Variants in PTPRD observed in about 807,000 individuals in gnomAD.
PTPRD encodes receptor-type tyrosine-protein phosphatase delta.
A neutral mutation model predicts 214.5 loss-of-function variants in PTPRD; 34 were observed. That is an observed-to-expected ratio of 0.16 (90% CI 0.12 to 0.21). The LOEUF (loss-of-function observed/expected upper bound fraction) is 0.21, where lower values mean the gene tolerates loss of function less well. Among genes scored for constraint, PTPRD ranks in the 10% least tolerant of loss-of-function variants. PTPRD has a pLI of 1.00. For missense variants in PTPRD, 2,545 were observed against 2,398.7 expected, an observed-to-expected ratio of 1.06 and a Z score of -1.27; for synonymous variants, 1,128 against 845.7, an observed-to-expected ratio of 1.33 and a Z score of -5.79.
At chr9:10,156,203 T>C (rs1188233924) in intron 3 of PTPRD, among the ~76,000 whole-genome samples, 1 of 151,900 alleles carries the variant, frequency 6.6e-6, no homozygotes, top group Non-Finnish European at 1.5e-5. Flanking sequence ...CTCTTGGTTC[T>C]CTAGCTCTTT....
intron 34 of PTPRD, among the ~76,000 whole-genome samples, chr9:8,446,371 CTTTT>C (rs950542163): frequency 6.6e-6 from 1 of 152,158 alleles, no homozygotes; most frequent in Non-Finnish European, 1.5e-5. Flanking sequence ...CACAAGATGA[CTTTT>C]TTGAGAAAGT....
intron 2 of PTPRD, among the ~76,000 whole-genome samples, chr9:10,605,857 G>T (rs1450865493): frequency 2.0e-5 from 3 of 151,484 alleles, no homozygotes; most frequent in African/African-American, 7.3e-5. Context: ...TACATATTTG[G>T]GACTAGATAA....
chr9:10,409,930 G>C (rs1297117864), intron 2 of PTPRD, among the ~76,000 whole-genome samples: 1 of 151,578 alleles, frequency 6.6e-6, no homozygotes, highest in East Asian at 2.0e-4. Flanking sequence ...CTGACATCTT[G>C]ACTACAACCT....
At chr9:9,960,486 T>G (rs183295006) in intron 4 of PTPRD, among the ~76,000 whole-genome samples, 1 of 152,088 alleles carries the variant, frequency 6.6e-6, no homozygotes. Flanking sequence ...GAGACTAACT[T>G]AGCAGTGGAG....
chr9:10,194,296 G>C (rs760785662), intron 3 of PTPRD, among the ~76,000 whole-genome samples: 10 of 141,944 alleles, frequency 7.0e-5, no homozygotes, highest in Non-Finnish European at 1.2e-4. Flanking sequence ...ACTACCATTT[G>C]CTGAGCATCA....
intron 8 of PTPRD, among the ~76,000 whole-genome samples, chr9:9,514,723 T>G (rs1366781230): frequency 6.6e-6 from 1 of 152,098 alleles, no homozygotes; most frequent in Non-Finnish European, 1.5e-5. Flanking sequence ...AGTGCCTTAC[T>G]GGTAAGTTTC....
chr9:9,986,606 T>C (rs147002410), intron 4 of PTPRD, among the ~76,000 whole-genome samples: 45 of 152,268 alleles, frequency 3.0e-4, no homozygotes, highest in African/African-American at 9.1e-4. Flanking sequence ...AATATGTGCA[T>C]ATATTACCTA....
At chr9:8,687,356 T>C (rs2097702004) in intron 12 of PTPRD, among the ~76,000 whole-genome samples, 1 of 152,232 alleles carries the variant, frequency 6.6e-6, no homozygotes, top group South Asian at 2.1e-4. Context: ...AAAACTCTTC[T>C]AACAGATTCA....
In PTPRD at chr9:9,855,766, G is replaced by A. The variant is rs182971566; in HGVS notation, c.-368+82741C>T. Among the ~76,000 whole-genome samples the A allele has an allele frequency of 7.9e-5, 12 of 152,292 alleles. No individual in the cohort carries two copies. In the East Asian group the frequency reaches 1.2e-3, roughly 15 times the overall value. ...GAGCTGGGAGGAGCAAACTTTGTGC[G>A]GGCCCCATGGCAAGTCCAGGAGGGA... On this transcript the variant is annotated intron_variant, in intron 5 of 45. Coordinates refer to ENST00000381196, the MANE Select transcript of PTPRD (RefSeq NM_002839.4).
intron 9 of PTPRD, among the ~76,000 whole-genome samples, chr9:9,234,185 C>T (rs2099965022): frequency 6.6e-6 from 1 of 152,202 alleles, no homozygotes; most frequent in African/African-American, 2.4e-5. Context: ...TTCTTAACTT[C>T]TGTGCACCTG....
intron 19 of PTPRD, among the ~76,000 whole-genome samples, chr9:8,522,424 G>A (rs1051436229): frequency 6.6e-6 from 1 of 152,170 alleles, no homozygotes; most frequent in African/African-American, 2.4e-5. Context: ...TAAAGGTAAG[G>A]ATTGCAAATT....
chr9:9,388,028 T>C (rs2064476351), intron 9 of PTPRD, among the ~76,000 whole-genome samples: 1 of 152,090 alleles, frequency 6.6e-6, no homozygotes. Context: ...TTTCTTGCCT[T>C]GCTGTACTGG....
chr9:8,473,288 G>A (rs1480829748), intron 30 of PTPRD, among the ~76,000 whole-genome samples: 2 of 152,110 alleles, frequency 1.3e-5, no homozygotes, highest in African/African-American at 2.4e-5. Context: ...AGGAGGATGA[G>A]GAGAAGGCAG....
At chr9:8,662,651 T>C (rs2097087060) in intron 12 of PTPRD, among the ~76,000 whole-genome samples, 1 of 152,146 alleles carries the variant, frequency 6.6e-6, no homozygotes, top group Admixed American at 6.5e-5. Flanking sequence ...GACTCACCAA[T>C]TCACCATAGG....
At chr9:10,462,072 A>T (rs990436172) in intron 2 of PTPRD, among the ~76,000 whole-genome samples, 1 of 152,166 alleles carries the variant, frequency 6.6e-6, no homozygotes, top group Non-Finnish European at 1.5e-5. Context: ...GGATTAACAC[A>T]TTGAGAGATT....
At chr9:9,805,837 GA>G (rs1396800969) in intron 5 of PTPRD, among the ~76,000 whole-genome samples, 3 of 152,104 alleles carry the variant, frequency 2.0e-5, no homozygotes, top group African/African-American at 7.2e-5. Flanking sequence ...TATTGAGTGA[GA>G]AATAGAGCTT....
chr9:8,967,024 G>T (rs1371440812), intron 11 of PTPRD, among the ~76,000 whole-genome samples: 2 of 151,702 alleles, frequency 1.3e-5, no homozygotes, highest in Non-Finnish European at 2.9e-5. Context: ...ACACACAGGT[G>T]GCCAATAAAC....
At chr9:9,527,088 C>A (rs1285992196) in intron 8 of PTPRD, among the ~76,000 whole-genome samples, 1 of 151,986 alleles carries the variant, frequency 6.6e-6, no homozygotes, top group Non-Finnish European at 1.5e-5. Flanking sequence ...TAATTTGTAT[C>A]AAATTCAATC....
At chr9:9,023,647 C>T (rs1369571504) in intron 10 of PTPRD, among the ~76,000 whole-genome samples, 1 of 152,076 alleles carries the variant, frequency 6.6e-6, no homozygotes, top group East Asian at 1.9e-4. Flanking sequence ...CTTTTCAGCT[C>T]ACATCCCCCG....
Sources: gnomAD v4.1 joint callset for allele counts (sites outside exome capture counted in the v4.1 genomes callset) on GRCh38, gnomAD v4.1.1 for gene constraint, MANE v1.5 for transcripts, NCBI Gene and HGNC (gene_info 2026-07-23, HGNC 2026-07-21) for gene names.